Variants in BRWD3 observed in about 807,000 individuals in gnomAD.
BRWD3 encodes bromodomain and WD repeat-containing protein 3.
Under a neutral mutation model 149.7 loss-of-function variants are expected in BRWD3, and 10 were observed. The observed-to-expected ratio is 0.07, with a 90% CI of 0.04 to 0.11. The LOEUF (loss-of-function observed/expected upper bound fraction) is 0.11, where lower values mean the gene tolerates loss of function less well. Among genes scored for constraint, BRWD3 ranks in the 10% least tolerant of loss-of-function variants. The pLI, the probability that BRWD3 is intolerant of heterozygous loss-of-function variation, is 1.00. For missense variants in BRWD3, 940 were observed against 1,373.2 expected (o/e 0.68, Z 4.99); for synonymous variants, 504 against 456.7 (o/e 1.10, Z -1.32).
intron 6 of BRWD3, among the ~76,000 whole-genome samples, chrX:80,764,095 G>T (rs2073831647): frequency 8.9e-6 from 1 of 112,133 alleles, no homozygotes; most frequent in Admixed American, 9.5e-5. Context: ...CAAAGGTGCA[G>T]CTCAATTTCA....
At chrX:80,749,815 G>A (rs1346834894) in intron 6 of BRWD3, among the ~76,000 whole-genome samples, 4 of 111,696 alleles carry the variant, frequency 3.6e-5, no homozygotes, top group African/African-American at 1.3e-4. Flanking sequence ...TGAAGCTAGA[G>A]GCATCATGCT....
intron 6 of BRWD3, among the ~76,000 whole-genome samples, chrX:80,757,385 T>G (rs1330273726): frequency 1.8e-5 from 2 of 112,153 alleles, no homozygotes; most frequent in African/African-American, 6.5e-5. Flanking sequence ...TAAAAAACAA[T>G]ACTTATGACT....
Position 80,808,987 on chromosome X carries a change from C to G in BRWD3, c.120+26G>C, listed in dbSNP as rs761074900. The G allele has an allele frequency of 2.3e-5, 28 of 1,192,026 alleles. No homozygotes were observed. In the South Asian group the frequency reaches 5.0e-4, roughly 21 times the overall value. ...TCCTCCAGTCTCACCTCAACCCTCC[C>G]CACCCTTCCCGAAGGGGCTCCGTAC... On this transcript the variant is annotated intron_variant, in intron 3 of 40. Coordinates refer to ENST00000373275, the MANE Select transcript of BRWD3 (RefSeq NM_153252.5).
At chrX:80,802,442 TA>T (rs760675783) in intron 4 of BRWD3, among the ~76,000 whole-genome samples, 7,592 of 48,764 alleles carry the variant, frequency 0.16, 460 homozygotes, top group South Asian at 0.37. Flanking sequence ...ACTCTCATCT[TA>T]AAAAAAAAAA....
In BRWD3 at chrX:80,794,228, G is replaced by A. The variant is rs146864652; in HGVS notation, c.181-456C>T. On this transcript the variant is annotated intron_variant, in intron 4 of 40. Transcript: ENST00000373275. Reference sequence around the variant, plus strand: ...ATAAATAAAATATGGAATCAGAGCCGGGTGCAGTAGCTCAGGCAGATAATC... The same window carrying A: ...ATAAATAAAATATGGAATCAGAGCCAGGTGCAGTAGCTCAGGCAGATAATC... Among the ~76,000 whole-genome samples the A allele has an allele frequency of 8.2e-3, 915 of 111,117 alleles. 7 individuals carry two copies. The highest frequency in any genetic ancestry group is 0.014 in the Non-Finnish European group (736 of 52,897).
At chrX:80,729,667 C>T (rs766930503) in intron 13 of BRWD3, among the ~76,000 whole-genome samples, 1 of 111,124 alleles carries the variant, frequency 9.0e-6, no homozygotes, top group Non-Finnish European at 1.9e-5. Flanking sequence ...GCTCTGTAGG[C>T]ATCAGTAGAA....
chrX:80,716,323 A>G (rs1391548204), intron 19 of BRWD3, 73 bp from the exon 20 acceptor site: 1 of 831,179 alleles, frequency 1.2e-6, no homozygotes, highest in Non-Finnish European at 1.8e-6. Context: ...CAGATAATAA[A>G]AATACTTTTA....
At chrX:80,738,678 GAGA>G (rs1183355146) in intron 8 of BRWD3, among the ~76,000 whole-genome samples, 2 of 111,590 alleles carry the variant, frequency 1.8e-5, no homozygotes, top group Middle Eastern at 4.6e-3. Flanking sequence ...AAGGTAGTCA[GAGA>G]AGGTCTCCCT....
chrX:80,687,964 G>C lies in BRWD3; in HGVS notation c.3864+105C>G. On this transcript the variant is annotated intron_variant, in intron 34 of 40. Transcript: ENST00000373275. Reference sequence around the variant, plus strand: ...ATGAGCATACCTAATATACTTAGTTGCAAGAATCCTTCTAGCAATTCTCCA... The same window carrying C: ...ATGAGCATACCTAATATACTTAGTTCCAAGAATCCTTCTAGCAATTCTCCA... 6.5e-6 allele frequency: 4 copies of C among 613,820 alleles called. No individual in the cohort carries two copies. In the South Asian group the frequency reaches 9.1e-5, roughly 14 times the overall value. 50.6% of individuals were successfully genotyped at this position (613,820 alleles called of 1,213,427 possible). A position where few individuals can be genotyped will look rare whatever the true frequency, so the allele number is the denominator to read the frequency against.
intron 14 of BRWD3, among the ~76,000 whole-genome samples, chrX:80,727,364 G>A (rs2073265986): frequency 9.0e-6 from 1 of 110,969 alleles, no homozygotes; most frequent in Admixed American, 9.7e-5. Context: ...TTACAATAGA[G>A]CCTACAAAAT....
chrX:80,708,664 A>G (rs1404996068), intron 21 of BRWD3, among the ~76,000 whole-genome samples: 1 of 111,289 alleles, frequency 9.0e-6, no homozygotes, highest in Non-Finnish European at 1.9e-5. Context: ...AAAAATACAA[A>G]AATTAGCCAT....
Position 80,681,980 on chromosome X carries a change from A to C in BRWD3, c.4495+17T>G. ...TAAACCGAGATGCAGAACACCAAAA[A>C]CAAAAGACATATTTACCAGGAGATG... On this transcript the variant is annotated intron_variant, in intron 39 of 40. Coordinates refer to ENST00000373275, the MANE Select transcript of BRWD3 (RefSeq NM_153252.5). The C allele has an allele frequency of 8.6e-7, 1 of 1,166,898 alleles. No homozygotes were observed.
At chrX:80,717,808 A>G in intron 18 of BRWD3, 49 bp from the exon 19 acceptor site, 2 of 1,098,476 alleles carry the variant, frequency 1.8e-6, no homozygotes, top group Non-Finnish European at 2.5e-6. Context: ...AAGGCACCAT[A>G]GTTTTCCAGA....
intron 2 of BRWD3, 37 bp from the exon 3 acceptor site, chrX:80,809,079 C>A: frequency 8.5e-7 from 1 of 1,175,824 alleles, no homozygotes; most frequent in Admixed American, 2.5e-5. Flanking sequence ...AGGAGCAGCT[C>A]GGGCCATCAA....
In BRWD3 at chrX:80,808,897, G is replaced by T. The variant is rs201624879; in HGVS notation, c.120+116C>A. 4.4e-4 allele frequency: 372 copies of T among 844,453 alleles called. 3 individuals carry two copies. In the East Asian group the frequency reaches 0.013, roughly 29 times the overall value. 69.6% of individuals were successfully genotyped at this position (844,453 alleles called of 1,213,427 possible). A position where few individuals can be genotyped will look rare whatever the true frequency, so the allele number is the denominator to read the frequency against. On this transcript the variant is annotated intron_variant, in intron 3 of 40. Transcript: ENST00000373275. ...AAGCCAATTCACCCCGGTGACAACA[G>T]CTACGGGTACCCAGATCGAAGCCTC... is the stretch of plus-strand genomic sequence containing the variant.
At chrX:80,681,662 G>A (rs1240505688) in intron 39 of BRWD3, among the ~76,000 whole-genome samples, 163 bp from the exon 40 acceptor site, 2 of 111,914 alleles carry the variant, frequency 1.8e-5, no homozygotes, top group Non-Finnish European at 3.8e-5. Context: ...AGGGTTGAAT[G>A]TCAGAAAAAC....
At chrX:80,752,221 C>G (rs952905495) in intron 6 of BRWD3, among the ~76,000 whole-genome samples, 22 of 109,218 alleles carry the variant, frequency 2.0e-4, no homozygotes, top group Non-Finnish European at 3.4e-4. Context: ...TCTATGTTGC[C>G]CAGGCTGGTC....
At chrX:80,730,824 CAT>C (rs1441811375) in intron 12 of BRWD3, among the ~76,000 whole-genome samples, 10 of 112,100 alleles carry the variant, frequency 8.9e-5, no homozygotes, top group East Asian at 5.6e-4. Flanking sequence ...AATTGAACTA[CAT>C]ATGTTTTTCC....
In BRWD3 at chrX:80,670,089, G is replaced by A. The variant is rs969859492; in HGVS notation, c.*6520C>T. 3.6e-5 allele frequency among the ~76,000 whole-genome samples: 4 copies of A among 111,232 alleles called. No individual in the cohort carries two copies. Among genetic ancestry groups the A allele is most frequent in the African/African-American group, 1.3e-4 (4 of 30,661 alleles). On this transcript the variant is annotated 3_prime_UTR_variant, in exon 41 of 41. Coordinates refer to ENST00000373275, the MANE Select transcript of BRWD3 (RefSeq NM_153252.5). ...GAACTTCATTAAGGCAATTGTCACA[G>A]ATGGCAAAGAAAAATCTATTAAAGT... is the stretch of plus-strand genomic sequence containing the variant.
Sources: allele counts gnomAD v4.1 joint callset (sites outside exome capture counted in the v4.1 genomes callset), GRCh38; gene constraint gnomAD v4.1.1; transcripts MANE v1.5; gene names NCBI Gene and HGNC (gene_info 2026-07-23, HGNC 2026-07-21).